SCAF1: variants seen among roughly 807,000 people sequenced by gnomAD.
SCAF1 encodes SR-related CTD associated factor 1.
SCAF1 carries 28 observed loss-of-function variants against 91.2 expected under a neutral mutation model. The ratio of observed to expected loss-of-function variants is 0.31; its 90% CI spans 0.23 to 0.42. The LOEUF (loss-of-function observed/expected upper bound fraction) is 0.42. Ranked by LOEUF, SCAF1 falls within the 10% of genes least tolerant of loss-of-function variation. The pLI is 1.00. For synonymous variants in SCAF1, 1,036 were observed against 833.7 expected, an observed-to-expected ratio of 1.24 and a Z score of -4.18; for missense variants, 1,893 against 1,872.1, an observed-to-expected ratio of 1.01 and a Z score of -0.21.
In SCAF1 at chr19:49,645,364, A is replaced by G; in HGVS notation, c.119A>G (p.Gln40Arg). The change falls in exon 3 of 11, where the codon CAG becomes CGG. Residue 40 changes from glutamine to arginine, a missense_variant. Physicochemically the swap from Gln to Arg is conservative, Grantham distance 43 (BLOSUM62 1). Coordinates refer to ENST00000360565, the MANE Select transcript of SCAF1 (RefSeq NM_021228.3). The surrounding 1 kb of genome is among the most constrained non-coding windows in gnomAD (Gnocchi z 4.6). ...TCCCCCCTTCCCCAGCGAGCCATCC[A>G]GCAGGCTGTGGGAAGCTCCCTGCAG... The part of the protein sequence containing the change: ...SPSAFILRAI[Q>R]QAVGSSLQGD... 1 of 1,614,018 alleles carries G rather than the reference A, an allele frequency of 6.2e-7. No homozygotes were observed. The highest frequency in any genetic ancestry group is 8.5e-7 in the Non-Finnish European group (1 of 1,179,912).
chr19:49,653,643 C>T lies in SCAF1; in HGVS notation c.3254C>T (p.Pro1085Leu). 6.3e-7 allele frequency: 1 copy of T among 1,587,032 alleles called. No individual in the cohort carries two copies. The highest frequency in any genetic ancestry group is 1.1e-5 in the South Asian group (1 of 88,204). ...CGTGTCTCCCAGCTGCCCACGTTGC[C>T]CCCGCCCATGCCCTGGAATCTGCCA... Reference protein sequence around the residue: ...ASRVSQLPTLPPPMPWNLPAG... With the variant: ...ASRVSQLPTLLPPMPWNLPAG... The change falls in exon 7 of 11, where the codon CCC (proline) becomes CTC (leucine). Residue 1085 changes from proline (P) to leucine (L), a missense_variant. Physicochemically the swap from Pro to Leu is moderately conservative, Grantham distance 98. Around this residue, in one of 5 missense-constraint regions of SCAF1, gnomAD observed 1,436 missense variants for 1,306.8 expected, o/e 1.10. Coordinates refer to ENST00000360565, the MANE Select transcript of SCAF1 (RefSeq NM_021228.3).
At chr19:49,644,999 A>C (rs1212029328) in intron 1 of SCAF1, 22 bp from the exon 2 acceptor site, 1 of 1,586,346 alleles carries the variant, frequency 6.3e-7, no homozygotes, top group South Asian at 1.1e-5. Flanking sequence ...TCCACTCCAA[A>C]CTCTCCCCCC....
intron 6 of SCAF1, among the ~76,000 whole-genome samples, chr19:49,648,710 C>T (rs1056206376): frequency 1.3e-5 from 2 of 151,888 alleles, no homozygotes; most frequent in African/African-American, 4.8e-5. Flanking sequence ...CGGTGGCTCA[C>T]GCCTGTAATC....
In SCAF1 at chr19:49,651,984, C is replaced by T. The variant is rs768892682; in HGVS notation, c.1595C>T (p.Ala532Val). The change falls in exon 7 of 11, where the codon GCC (alanine) becomes GTC (valine). Residue 532 changes from alanine to valine, a missense_variant. Physicochemically the swap from Ala to Val is moderately conservative, Grantham distance 64 (BLOSUM62 0). This residue lies in a region of SCAF1 where 1,436 missense variants were observed against 1,306.8 expected (regional missense o/e 1.10). Transcript: ENST00000360565. ...ERKRSGEAKE[A>V]ASSSSGTQPA... ...AAGCGCAGCGGCGAGGCCAAGGAGG[C>T]CGCCTCGTCCTCGTCGGGCACCCAG... is the stretch of plus-strand genomic sequence containing the variant. 9 of 1,195,364 alleles carry T rather than the reference C, an allele frequency of 7.5e-6. No individual in the cohort carries two copies. In the South Asian group the frequency reaches 1.1e-4, roughly 14 times the overall value. The allele number at this position is 1,195,364 out of a possible 1,614,324, so 74.0% of individuals were successfully genotyped here. A position where few individuals can be genotyped will look rare whatever the true frequency, so the allele number is the denominator to read the frequency against.
At chr19:49,641,141 G>A (rs1339304900), upstream of SCAF1, among the ~76,000 whole-genome samples, 1 of 152,078 alleles carries the variant, frequency 6.6e-6, no homozygotes, top group Non-Finnish European at 1.5e-5. Flanking sequence ...TTGAGACCAG[G>A]ACTAGTCTGG....
Position 49,658,298 on chromosome 19 carries a change from C to A in SCAF1, c.3838C>A (p.His1280Asn). Residue 1280 changes from histidine (H) to asparagine (N), a missense_variant, in exon 11 of 11, where the codon CAC becomes AAC. By Grantham distance (68) the His-to-Asn change is moderately conservative. This residue lies in a region of SCAF1 where 51 missense variants were observed against 49.9 expected (regional missense o/e 1.02). Transcript: ENST00000360565. The stretch of plus-strand genomic sequence containing the variant: ...CCAGCGCTACCGCTACTTCCGCAAG[C>A]ACGGTCGCAAGCCAGGGGACCCCCC... ...YVQRYRYFRK[H>N]GRKPGDPPGP... 1 of 1,611,106 alleles carries A rather than the reference C, an allele frequency of 6.2e-7. No homozygotes were observed. The highest frequency in any genetic ancestry group is 8.5e-7 in the Non-Finnish European group (1 of 1,178,818).
At position 49,646,213 on chromosome 19, in the gene SCAF1, A is replaced by AG; in HGVS notation, c.261+12dup. ...ACTGACACGGCTACTGTGAGTAAGA[A>AG]GAGGGGGCTGGGGGCCTGGCTCACG... On this transcript the variant is annotated intron_variant, in intron 4 of 10. Coordinates refer to ENST00000360565, the MANE Select transcript of SCAF1 (RefSeq NM_021228.3). This position sits in a 1 kb window ranked among gnomAD's most constrained non-coding sequence, Gnocchi z 5.6. 1 of 1,560,304 alleles carries AG rather than the reference A, an allele frequency of 6.4e-7. No homozygotes were observed. Among genetic ancestry groups the AG allele is most frequent in the Non-Finnish European group, 8.7e-7 (1 of 1,153,646 alleles).
chr19:49,658,106 G>A (rs2081156431), intron 10 of SCAF1, 102 bp from the exon 11 acceptor site: 4 of 1,346,324 alleles, frequency 3.0e-6, no homozygotes, highest in Non-Finnish European at 4.1e-6. Context: ...CCTGGTTATT[G>A]GGGAAGCTCC....
chr19:49,658,542 G>A lies in SCAF1; in HGVS notation c.*143G>A. ...AGAGGAGAGCCCCCTGCCCTGCCCTGCCCCGTGTCCACCTCCCTTGCCCCC... is the reference window on the plus strand; with the variant it reads ...AGAGGAGAGCCCCCTGCCCTGCCCTACCCCGTGTCCACCTCCCTTGCCCCC... On this transcript the variant is annotated 3_prime_UTR_variant, in exon 11 of 11. Transcript: ENST00000360565. 1.6e-6 allele frequency: 1 copy of A among 623,760 alleles called. No homozygotes were observed. Among genetic ancestry groups the A allele is most frequent in the Admixed American group, 2.8e-5 (1 of 35,206 alleles). The allele number at this position is 623,760 out of a possible 1,614,324, so 38.6% of individuals were successfully genotyped here. A position where few individuals can be genotyped will look rare whatever the true frequency, so the allele number is the denominator to read the frequency against.
Position 49,653,219 on chromosome 19 carries a change from A to G in SCAF1, c.2830A>G (p.Lys944Glu). 6.5e-7 allele frequency: 1 copy of G among 1,527,964 alleles called. No homozygotes were observed. Among genetic ancestry groups the G allele is most frequent in the South Asian group, 1.3e-5 (1 of 78,144 alleles). The allele number at this position is 1,527,964 out of a possible 1,614,324, so 94.7% of individuals were successfully genotyped here. ...CAGTGGTGGCCAGGTGTCGCTGAAGAAGTCCAAGGCGGATAGCTGCAGCCA... is the reference window on the plus strand; with the variant it reads ...CAGTGGTGGCCAGGTGTCGCTGAAGGAGTCCAAGGCGGATAGCTGCAGCCA... ...GGSGGQVSLK[K>E]SKADSCSQAA... Residue 944 changes from lysine to glutamate, a missense_variant, in exon 7 of 11, where the codon AAG becomes GAG. Lys to Glu is a moderately conservative substitution (Grantham distance 56). Coordinates refer to ENST00000360565, the MANE Select transcript of SCAF1 (RefSeq NM_021228.3).
chr19:49,655,284 G>A (rs1363540944), intron 9 of SCAF1, among the ~76,000 whole-genome samples: 1 of 152,190 alleles, frequency 6.6e-6, no homozygotes, highest in Non-Finnish European at 1.5e-5. Flanking sequence ...CAGTAATGTA[G>A]GTTCTTACTC....
chr19:49,646,939 C>T lies in SCAF1; in HGVS notation c.478+109C>T. ...ATCATGTTATTTAGACAAAACCTTT[C>T]CCTTCTCTTCGTATTAGACGTGATT... On this transcript the variant is annotated intron_variant, in intron 6 of 10. Transcript: ENST00000360565. This position sits in a 1 kb window ranked among gnomAD's most constrained non-coding sequence, Gnocchi z 5.6. 1 of 780,278 alleles carries T rather than the reference C, an allele frequency of 1.3e-6. No homozygotes were observed. The highest frequency in any genetic ancestry group is 2.0e-6 in the Non-Finnish European group (1 of 494,512). 48.3% of individuals were successfully genotyped at this position (780,278 alleles called of 1,614,324 possible). A position where few individuals can be genotyped will look rare whatever the true frequency, so the allele number is the denominator to read the frequency against.
upstream of SCAF1, among the ~76,000 whole-genome samples, chr19:49,641,324 G>T (rs556975859): frequency 6.6e-6 from 1 of 152,256 alleles, no homozygotes; most frequent in Non-Finnish European, 1.5e-5. Flanking sequence ...ATTTTTATTT[G>T]TTTATTTTTG....
At chr19:49,649,395 C>T (rs1408970158) in intron 6 of SCAF1, among the ~76,000 whole-genome samples, 3 of 152,202 alleles carry the variant, frequency 2.0e-5, no homozygotes, top group East Asian at 1.9e-4. Flanking sequence ...TCATCTATTC[C>T]TCCGCTTATC....
chr19:49,646,291 G>A lies in SCAF1; in HGVS notation c.261+89G>A. Reference sequence around the variant, plus strand: ...TGAGTCTGGGGGAATGGGGTTTGGGGACCTGGACTCCTGGCTCTGCGATGC... The same window carrying A: ...TGAGTCTGGGGGAATGGGGTTTGGGAACCTGGACTCCTGGCTCTGCGATGC... On this transcript the variant is annotated intron_variant, in intron 4 of 10. Transcript: ENST00000360565. The surrounding 1 kb of genome is among the most constrained non-coding windows in gnomAD (Gnocchi z 5.6). The A allele has an allele frequency of 8.8e-7, 1 of 1,139,248 alleles. No homozygotes were observed. Among genetic ancestry groups the A allele is most frequent in the Middle Eastern group, 2.5e-4 (1 of 4,044 alleles). 70.6% of individuals were successfully genotyped at this position (1,139,248 alleles called of 1,614,324 possible). A position where few individuals can be genotyped will look rare whatever the true frequency, so the allele number is the denominator to read the frequency against.
rs757890930 is a variant in SCAF1, at chr19:49,653,321, C to T, written c.2932C>T (p.Pro978Ser). Reference protein sequence around the residue: ...ERAAKVPSTPPPKAAPPPPAL... With the variant: ...ERAAKVPSTPSPKAAPPPPAL... ...GGCAGCCAAGGTTCCTAGCACCCCG[C>T]CCCCCAAGGCAGCCCCACCACCCCC... Residue 978 changes from proline (P) to serine (S), a missense_variant, in exon 7 of 11, where the codon CCC becomes TCC. This residue lies in a region of SCAF1 where 1,436 missense variants were observed against 1,306.8 expected (regional missense o/e 1.10). Transcript: ENST00000360565. 5.5e-6 allele frequency: 8 copies of T among 1,465,726 alleles called. No individual in the cohort carries two copies. Among genetic ancestry groups the T allele is most frequent in the Non-Finnish European group, 4.5e-6 (5 of 1,107,072 alleles). The allele number at this position is 1,465,726 out of a possible 1,614,324, so 90.8% of individuals were successfully genotyped here.
In SCAF1 at chr19:49,646,290, G is replaced by A; in HGVS notation, c.261+88G>A. 1 of 1,143,980 alleles carries A rather than the reference G, an allele frequency of 8.7e-7. No homozygotes were observed. The highest frequency in any genetic ancestry group is 1.2e-6 in the Non-Finnish European group (1 of 806,694). The allele number at this position is 1,143,980 out of a possible 1,614,324, so 70.9% of individuals were successfully genotyped here. On this transcript the variant is annotated intron_variant, in intron 4 of 10. Transcript: ENST00000360565. This position sits in a 1 kb window ranked among gnomAD's most constrained non-coding sequence, Gnocchi z 5.6. ...CTGAGTCTGGGGGAATGGGGTTTGG[G>A]GACCTGGACTCCTGGCTCTGCGATG...
chr19:49,655,345 G>C (rs2081132637), intron 9 of SCAF1, among the ~76,000 whole-genome samples: 4 of 152,068 alleles, frequency 2.6e-5, no homozygotes, highest in Admixed American at 2.6e-4. Flanking sequence ...TTTCTCTCTT[G>C]GTCAGGTCTA....
At chr19:49,655,662 G>A (rs1000378568) in intron 9 of SCAF1, among the ~76,000 whole-genome samples, 9 of 151,746 alleles carry the variant, frequency 5.9e-5, no homozygotes, top group African/African-American at 1.5e-4. Flanking sequence ...CACCGTGCCC[G>A]GCCTTGGTTG....
Sources: gnomAD v4.1 joint callset for allele counts (sites outside exome capture counted in the v4.1 genomes callset) on GRCh38, gnomAD v4.1.1 for gene constraint, gnomAD v4.1.1 regional missense constraint, Gnocchi (gnomAD v3.1) non-coding constraint, MANE v1.5 for transcripts, NCBI Gene and HGNC (gene_info 2026-07-23, HGNC 2026-07-21) for gene names.